Variants in CACNA1E observed in about 807,000 individuals in gnomAD.
CACNA1E encodes voltage-dependent R-type calcium channel subunit alpha-1E.
In CACNA1E, 40 loss-of-function variants were observed where a neutral mutation model predicts 259.2. That is an observed-to-expected ratio of 0.15 (90% CI 0.12 to 0.20). CACNA1E has a LOEUF of 0.20. Among genes scored for constraint, CACNA1E ranks in the 10% least tolerant of loss-of-function variants. The pLI, the probability that CACNA1E is intolerant of heterozygous loss-of-function variation, is 1.00. For missense variants in CACNA1E, 1,874 were observed against 3,040.1 expected (o/e 0.62, Z 9.02); for synonymous variants, 1,104 against 1,138.5 (o/e 0.97, Z 0.61).
intron 6 of CACNA1E, among the ~76,000 whole-genome samples, chr1:181,619,891 G>A (rs1393045234): frequency 6.6e-6 from 1 of 152,130 alleles, no homozygotes; most frequent in African/African-American, 2.4e-5. Flanking sequence ...TTTTATTGGG[G>A]AGGGGGGAAG....
At position 181,798,228 on chromosome 1, in the gene CACNA1E, CAG is replaced by C; in HGVS notation, c.6400-61_6400-60del. 1.5e-6 allele frequency: 2 copies of C among 1,346,500 alleles called. No homozygotes were observed. Among genetic ancestry groups the C allele is most frequent in the South Asian group, 2.7e-5 (2 of 75,120 alleles). 83.4% of individuals were successfully genotyped at this position (1,346,500 alleles called of 1,614,324 possible). A position where few individuals can be genotyped will look rare whatever the true frequency, so the allele number is the denominator to read the frequency against. On this transcript the variant is annotated intron_variant, in intron 47 of 47. Transcript: ENST00000367573. This position sits in a 1 kb window ranked among gnomAD's most constrained non-coding sequence, Gnocchi z 4.2. ...ATTCAGATTCCAAGGACTCTCTTAA[CAG>C]AGTTGCAAGTAGGGATCATGCCAAG...
intron 1 of CACNA1E, among the ~76,000 whole-genome samples, chr1:181,319,037 G>T (rs958473727): frequency 2.0e-5 from 3 of 152,186 alleles, no homozygotes; most frequent in African/African-American, 7.2e-5. Flanking sequence ...CCTTGAGATC[G>T]CGGCTTCCTC....
chr1:181,758,821 G>A lies in CACNA1E; in HGVS notation c.4558G>A (p.Val1520Met). 6.2e-7 allele frequency: 1 copy of A among 1,613,390 alleles called. No individual in the cohort carries two copies. The highest frequency in any genetic ancestry group is 1.1e-5 in the South Asian group (1 of 91,060). The change falls in exon 32 of 48, where the codon GTG (valine) becomes ATG (methionine). Residue 1520 changes from valine to methionine, a missense_variant. Val to Met is a conservative substitution (Grantham distance 21). This residue lies in a region of CACNA1E where 188 missense variants were observed against 540.6 expected (regional missense o/e 0.35). Coordinates refer to ENST00000367573, the MANE Select transcript of CACNA1E (RefSeq NM_001205293.3). This position sits in a 1 kb window ranked among gnomAD's most constrained non-coding sequence, Gnocchi z 4.2. ...LKYLNIAFTM[V>M]FSLECVLKVI... is the part of the protein sequence containing the mutation. ...GTACCTGAATATCGCCTTCACCATGGTGTTTTCCCTGGAATGTGTCCTGAA... is the reference window on the plus strand; with the variant it reads ...GTACCTGAATATCGCCTTCACCATGATGTTTTCCCTGGAATGTGTCCTGAA...
Position 181,804,192 on chromosome 1 carries a change from T to TATTC in CACNA1E, c.*5358_*5359insATTC, listed in dbSNP as rs1378880733. The TATTC allele has an allele frequency of 5.9e-5, 9 of 152,210 alleles. No homozygotes were observed. The highest frequency in any genetic ancestry group is 2.2e-4 in the African/African-American group (9 of 41,464). The allele number at this position is 152,210 out of a possible 1,614,324, so 9.4% of individuals were successfully genotyped here. ...GTTGTTTGGTTGGTGGCTGGGTTTC[T>TATTC]TGTAACAGACCTATTCTGGAATAGC... On this transcript the variant is annotated 3_prime_UTR_variant, in exon 48 of 48. Coordinates refer to ENST00000367573, the MANE Select transcript of CACNA1E (RefSeq NM_001205293.3).
rs565401784 is a variant in CACNA1E, at chr1:181,619,758, C to A, written c.952-31580C>A. Among the ~76,000 whole-genome samples, 3 of 152,226 alleles carry A rather than the reference C, an allele frequency of 2.0e-5. No homozygotes were observed. In the South Asian group the frequency reaches 6.2e-4, roughly 32 times the overall value. On this transcript the variant is annotated intron_variant, in intron 6 of 47. Coordinates refer to ENST00000367573, the MANE Select transcript of CACNA1E (RefSeq NM_001205293.3). ...CTGATGGATTTATTGATGAACCTGA[C>A]ATGGGATATGCGAGACAAAGGGGGA...
chr1:181,484,092 C>A, intron 1 of CACNA1E, 82 bp downstream of exon 1: 1 of 1,367,774 alleles, frequency 7.3e-7, no homozygotes, highest in South Asian at 1.3e-5. Context: ...TGGAATGTAT[C>A]CCCCACCCCT....
intron 3 of CACNA1E, among the ~76,000 whole-genome samples, chr1:181,567,595 T>A (rs1457004831): frequency 1.3e-5 from 2 of 152,186 alleles, no homozygotes; most frequent in Admixed American, 1.3e-4. Flanking sequence ...GGCAGCAAGA[T>A]GTTGTTGCTT....
intron 43 of CACNA1E, among the ~76,000 whole-genome samples, chr1:181,788,728 C>T (rs754172836): frequency 1.2e-4 from 18 of 152,166 alleles, no homozygotes; most frequent in Admixed American, 4.6e-4. Context: ...CTTTATGCCC[C>T]GGCTTGACAA....
At chr1:181,340,413 G>C (rs1652063963) in intron 1 of CACNA1E, among the ~76,000 whole-genome samples, 2 of 151,278 alleles carry the variant, frequency 1.3e-5, no homozygotes, top group South Asian at 4.2e-4. Context: ...GAATTTTTTG[G>C]GATAATATTA....
At chr1:181,438,175 C>T (rs1027517716) in intron 2 of CACNA1E, among the ~76,000 whole-genome samples, 19 of 152,328 alleles carry the variant, frequency 1.2e-4, no homozygotes, top group African/African-American at 4.6e-4. Context: ...GTTCAGCCCT[C>T]CTTGTTTAGT....
intron 1 of CACNA1E, among the ~76,000 whole-genome samples, chr1:181,396,096 T>TG: frequency 6.6e-6 from 1 of 152,326 alleles, no homozygotes; most frequent in East Asian, 1.9e-4. Context: ...AACTCACTCT[T>TG]GCAGTTCTTG....
chr1:181,767,793 C>T (rs193019515), intron 35 of CACNA1E, among the ~76,000 whole-genome samples: 97 of 152,274 alleles, frequency 6.4e-4, no homozygotes, highest in Non-Finnish European at 6.5e-4. Context: ...ATCATGTTGG[C>T]AGTGTTGGAA....
At chr1:181,735,447 G>A (rs2102570551) in intron 21 of CACNA1E, among the ~76,000 whole-genome samples, 1 of 152,318 alleles carries the variant, frequency 6.6e-6, no homozygotes. Context: ...TTCCAGGGTG[G>A]AGTCATTCAA....
At chr1:181,690,884 A>G (rs1209436069) in intron 7 of CACNA1E, among the ~76,000 whole-genome samples, 1 of 151,820 alleles carries the variant, frequency 6.6e-6, no homozygotes, top group Admixed American at 6.6e-5. Flanking sequence ...TACATAGACG[A>G]CTTCTTTAAA....
chr1:181,534,623 C>T (rs1347341459), intron 3 of CACNA1E, among the ~76,000 whole-genome samples: 1 of 151,588 alleles, frequency 6.6e-6, no homozygotes, highest in African/African-American at 2.4e-5. Flanking sequence ...TCCATGTAAC[C>T]AAAACTACCT....
At chr1:181,676,377 G>A (rs1649378331) in intron 7 of CACNA1E, among the ~76,000 whole-genome samples, 1 of 152,128 alleles carries the variant, frequency 6.6e-6, no homozygotes, top group Non-Finnish European at 1.5e-5. Context: ...CACTACATAT[G>A]TTTCCATAAT....
chr1:181,530,743 T>A (rs941909834), intron 3 of CACNA1E, among the ~76,000 whole-genome samples: 6 of 152,106 alleles, frequency 3.9e-5, no homozygotes, highest in Non-Finnish European at 8.8e-5. Flanking sequence ...GTAGCATGAG[T>A]CATGAGGGGC....
chr1:181,590,358 G>T (rs1652503198), intron 6 of CACNA1E, among the ~76,000 whole-genome samples: 1 of 146,456 alleles, frequency 6.8e-6, no homozygotes, highest in Non-Finnish European at 1.5e-5. Context: ...GAGGAAACAG[G>T]ATTTTGTGCA....
chr1:181,381,816 G>A (rs1350991733), intron 1 of CACNA1E, among the ~76,000 whole-genome samples: 1 of 152,192 alleles, frequency 6.6e-6, no homozygotes, highest in Non-Finnish European at 1.5e-5. Flanking sequence ...AATAAGAAAG[G>A]AATAGGAGCT....
Sources: allele counts gnomAD v4.1 joint callset (sites outside exome capture counted in the v4.1 genomes callset), GRCh38; gene constraint gnomAD v4.1.1; regional missense constraint gnomAD v4.1.1; non-coding constraint Gnocchi (gnomAD v3.1); transcripts MANE v1.5; gene names NCBI Gene and HGNC (gene_info 2026-07-23, HGNC 2026-07-21).